Variants in ARID1B observed in about 807,000 individuals in gnomAD.
ARID1B encodes the protein AT-rich interaction domain 1B, also known as AT-rich interactive domain-containing protein 1B.
Under a neutral mutation model 212.3 loss-of-function variants are expected in ARID1B, and 30 were observed. The ratio of observed to expected loss-of-function variants is 0.14; its 90% CI spans 0.11 to 0.19. ARID1B has a LOEUF of 0.19. ARID1B is among the 10% of genes least tolerant of loss of function. The pLI, the probability that ARID1B is intolerant of heterozygous loss-of-function variation, is 1.00. For missense variants in ARID1B, 2,891 were observed against 3,204.0 expected (o/e 0.90, Z 2.36); for synonymous variants, 1,402 against 1,301.7 (o/e 1.08, Z -1.66).
At chr6:157,064,797 C>A (rs1022745997) in intron 4 of ARID1B, among the ~76,000 whole-genome samples, 1 of 152,222 alleles carries the variant, frequency 6.6e-6, no homozygotes, top group African/African-American at 2.4e-5. Context: ...ACCCCAGCCA[C>A]AACCTTGGCC....
chr6:157,091,137 C>T (rs1037216623), intron 5 of ARID1B, among the ~76,000 whole-genome samples: 2 of 152,202 alleles, frequency 1.3e-5, no homozygotes, highest in Non-Finnish European at 2.9e-5. Flanking sequence ...CGCCACAAAG[C>T]ACCAATTCCT....
At chr6:156,970,107 T>C (rs1205291648) in intron 4 of ARID1B, among the ~76,000 whole-genome samples, 1 of 152,020 alleles carries the variant, frequency 6.6e-6, no homozygotes, top group Non-Finnish European at 1.5e-5. Flanking sequence ...TGAGATGGAG[T>C]CTCACTCTGT....
chr6:156,828,243 G>A lies in ARID1B; in HGVS notation c.1792-984G>A, dbSNP rs1278509314. 4.6e-5 allele frequency among the ~76,000 whole-genome samples: 7 copies of A among 152,098 alleles called. No individual in the cohort carries two copies. In the South Asian group the frequency reaches 8.3e-4, roughly 18 times the overall value. Reference sequence around the variant, plus strand: ...CGCCTGGCTAAGTTTTTAATTTGTTGTAGAGACAGGGTCTTGTGATGTTGC... The same window carrying A: ...CGCCTGGCTAAGTTTTTAATTTGTTATAGAGACAGGGTCTTGTGATGTTGC... On this transcript the variant is annotated intron_variant, in intron 1 of 19. Transcript: ENST00000636930.
At chr6:156,915,881 A>G (rs1790312978) in intron 3 of ARID1B, among the ~76,000 whole-genome samples, 1 of 151,586 alleles carries the variant, frequency 6.6e-6, no homozygotes, top group African/African-American at 2.4e-5. Context: ...GGGTGGACAC[A>G]GCAAGACTCC....
chr6:156,931,352 G>C lies in ARID1B; in HGVS notation c.2137-4114G>C, dbSNP rs1791699382. Among the ~76,000 whole-genome samples, 3 of 152,126 alleles carry C rather than the reference G, an allele frequency of 2.0e-5. No homozygotes were observed. The South Asian group carries it at 6.2e-4, about 31-fold the overall frequency. ...ATTCATTTCCTAATGAAAGAAAACA[G>C]AAGCACTCCTGCTCCTGGCCTTTCT... On this transcript the variant is annotated intron_variant, in intron 3 of 19. Coordinates refer to ENST00000636930, the MANE Select transcript of ARID1B (RefSeq NM_001374828.1).
chr6:157,074,590 A>C (rs558383303), intron 4 of ARID1B, among the ~76,000 whole-genome samples: 9 of 152,316 alleles, frequency 5.9e-5, no homozygotes, highest in African/African-American at 2.2e-4. Context: ...ATTTACTTGG[A>C]TAAAGAGGAA....
At chr6:156,990,682 G>C (rs888993508) in intron 4 of ARID1B, among the ~76,000 whole-genome samples, 2 of 152,044 alleles carry the variant, frequency 1.3e-5, no homozygotes, top group Non-Finnish European at 2.9e-5. Context: ...TGTAGAGACA[G>C]GGTCTCATCT....
chr6:156,930,501 G>A (rs1791608350), intron 3 of ARID1B, among the ~76,000 whole-genome samples: 1 of 152,170 alleles, frequency 6.6e-6, no homozygotes, highest in Non-Finnish European at 1.5e-5. Context: ...TTTCTTTATA[G>A]CAGTGTGACA....
At chr6:157,182,858 T>C (rs932332491) in intron 12 of ARID1B, among the ~76,000 whole-genome samples, 2 of 152,170 alleles carry the variant, frequency 1.3e-5, no homozygotes, top group Non-Finnish European at 2.9e-5. Flanking sequence ...CTTCTGCCCC[T>C]GGACTCCCCT....
At chr6:156,927,258 CCTT>C (rs907713771) in intron 3 of ARID1B, among the ~76,000 whole-genome samples, 2 of 152,120 alleles carry the variant, frequency 1.3e-5, no homozygotes, top group South Asian at 2.1e-4. Context: ...CATCTCCTCT[CCTT>C]CTCGTCCTCT....
At chr6:156,824,527 G>A (rs1266695513) in intron 1 of ARID1B, among the ~76,000 whole-genome samples, 1 of 152,186 alleles carries the variant, frequency 6.6e-6, no homozygotes, top group Non-Finnish European at 1.5e-5. Flanking sequence ...CACTTTGGGA[G>A]GTCGAGGCAG....
chr6:156,895,182 T>C (rs895879567), intron 2 of ARID1B, among the ~76,000 whole-genome samples: 1 of 152,386 alleles, frequency 6.6e-6, no homozygotes, highest in East Asian at 1.9e-4. Context: ...TTTTAAATTA[T>C]AGAACTCATT....
At chr6:157,040,327 AC>A (rs1445408887) in intron 4 of ARID1B, among the ~76,000 whole-genome samples, 6 of 152,208 alleles carry the variant, frequency 3.9e-5, no homozygotes, top group Non-Finnish European at 7.3e-5. Context: ...TTTTGTAAGC[AC>A]TGGGAAAGGT....
At chr6:157,162,272 G>C (rs1790995137) in intron 8 of ARID1B, among the ~76,000 whole-genome samples, 1 of 152,336 alleles carries the variant, frequency 6.6e-6, no homozygotes, top group Middle Eastern at 3.4e-3. Flanking sequence ...GGTACTGCAT[G>C]AAATTTCATA....
At chr6:157,028,771 T>TA (rs1453067869) in intron 4 of ARID1B, among the ~76,000 whole-genome samples, 1 of 152,234 alleles carries the variant, frequency 6.6e-6, no homozygotes, top group Non-Finnish European at 1.5e-5. Context: ...TGTGACCACA[T>TA]AAGCCTTCTG....
At chr6:156,862,775 C>T (rs1785423193) in intron 2 of ARID1B, among the ~76,000 whole-genome samples, 1 of 152,174 alleles carries the variant, frequency 6.6e-6, no homozygotes, top group Non-Finnish European at 1.5e-5. Context: ...TGAAGGCCTA[C>T]CCTGTGCCCG....
At chr6:156,846,988 G>C (rs969297468) in intron 2 of ARID1B, among the ~76,000 whole-genome samples, 1 of 151,872 alleles carries the variant, frequency 6.6e-6, no homozygotes, top group Non-Finnish European at 1.5e-5. Context: ...AAATTTTTTT[G>C]ACCTTTCTTA....
intron 2 of ARID1B, 118 bp downstream of exon 2, chr6:156,829,539 T>A: frequency 1.8e-6 from 2 of 1,132,280 alleles, no homozygotes; most frequent in Non-Finnish European, 2.4e-6. Context: ...TTTTCTGCTT[T>A]AATTTTTATT....
intron 9 of ARID1B, among the ~76,000 whole-genome samples, chr6:157,170,789 G>A (rs1791666916): frequency 6.6e-6 from 1 of 152,214 alleles, no homozygotes; most frequent in Admixed American, 6.5e-5. Flanking sequence ...GGTCAGGGCT[G>A]TCAGGGCCTT....
Sources: allele counts gnomAD v4.1 joint callset (sites outside exome capture counted in the v4.1 genomes callset), GRCh38; gene constraint gnomAD v4.1.1; transcripts MANE v1.5; gene names NCBI Gene and HGNC (gene_info 2026-07-23, HGNC 2026-07-21).